ECHDC3: variants seen among roughly 807,000 people sequenced by gnomAD.
ECHDC3 encodes the protein enoyl-CoA hydratase domain-containing protein 3, mitochondrial.
ECHDC3 carries 20 observed loss-of-function variants against 17.9 expected under a neutral mutation model. The ratio of observed to expected loss-of-function variants is 1.12; its 90% confidence interval spans 0.79 to 1.63. The LOEUF is 1.63. Among genes scored for constraint, ECHDC3 ranks in the 40% most tolerant of loss-of-function variants. The probability of loss-of-function intolerance (pLI) is 0.00; values close to 1 mark genes in which losing one functional copy is unlikely to be tolerated. For synonymous variants in ECHDC3, 177 were observed against 149.7 expected (o/e 1.18, Z -1.33); for missense variants, 407 against 357.7 (o/e 1.14, Z -1.11).
At chr10:11,755,635 T>C in intron 4 of ECHDC3, 27 bp downstream of exon 4, 2 of 1,582,960 alleles carry the variant, frequency 1.3e-6, no homozygotes, top group Non-Finnish European at 1.7e-6. Flanking sequence ...CACCCACCTC[T>C]GCCTCCCAGC....
chr10:11,748,779 A>T (rs183267029), intron 2 of ECHDC3, among the ~76,000 whole-genome samples: 127 of 152,278 alleles, frequency 8.3e-4, no homozygotes, highest in African/African-American at 2.5e-3. Flanking sequence ...CCAGCTACTT[A>T]GGAGGCTAAG....
rs188976372 is a variant in ECHDC3 at position 11,763,003 on chromosome 10, A to G, written c.592-221A>G. ...TCAGTGACCAGATCTTTGCAGGAGCAAGAGAACACGGGACAGCCACTGCTC... is the reference window on the plus strand; with the variant it reads ...TCAGTGACCAGATCTTTGCAGGAGCGAGAGAACACGGGACAGCCACTGCTC... On this transcript the variant is annotated intron_variant, in intron 4 of 4. Transcript: ENST00000379215. This position sits in a 1 kb window ranked among gnomAD's most constrained non-coding sequence, Gnocchi z 4.9. 1.3e-4 allele frequency among the ~76,000 whole-genome samples: 20 copies of G among 152,268 alleles called. No individual in the cohort carries two copies. Among genetic ancestry groups the G allele is most frequent in the Admixed American group, 1.2e-3 (19 of 15,308 alleles).
At position 11,764,049 on chromosome 10, in the gene ECHDC3, A is replaced by T; in HGVS notation, c.*505A>T. On this transcript the variant is annotated 3_prime_UTR_variant, in exon 5 of 5. Coordinates refer to ENST00000379215, the MANE Select transcript of ECHDC3 (RefSeq NM_024693.5). ...CTTTGAATAATCTTATGTGATTTAAATAAATTAAATCTTTATAGAGACTGG... is the reference window on the plus strand; with the variant it reads ...CTTTGAATAATCTTATGTGATTTAATTAAATTAAATCTTTATAGAGACTGG... The T allele has an allele frequency of 1.3e-6, 1 of 755,038 alleles. No individual in the cohort carries two copies. The highest frequency in any genetic ancestry group is 1.6e-6 in the Non-Finnish European group (1 of 619,374). 46.8% of individuals were successfully genotyped at this position (755,038 alleles called of 1,614,324 possible).
At chr10:11,744,648 C>T (rs959660402) in intron 1 of ECHDC3, among the ~76,000 whole-genome samples, 2 of 151,852 alleles carry the variant, frequency 1.3e-5, no homozygotes, top group Non-Finnish European at 2.9e-5. Flanking sequence ...TGTTTTGAAC[C>T]AAGATGGCCA....
chr10:11,747,138 G>A (rs1251331992), intron 1 of ECHDC3: 10 of 477,020 alleles, frequency 2.1e-5, no homozygotes, highest in Non-Finnish European at 3.6e-5. Context: ...GGAAGAGGGA[G>A]GAAACCCAGC....
At chr10:11,759,367 A>C (rs1564285339) in intron 4 of ECHDC3, among the ~76,000 whole-genome samples, 1 of 63,120 alleles carries the variant, frequency 1.6e-5, no homozygotes, top group Non-Finnish European at 3.9e-5. Context: ...AAAAAAAAAA[A>C]AAACAAAAAA....
Position 11,763,661 on chromosome 10 carries a change from T to C in ECHDC3, c.*117T>C. 7.0e-7 allele frequency: 1 copy of C among 1,433,212 alleles called. No homozygotes were observed. Among genetic ancestry groups the C allele is most frequent in the Non-Finnish European group, 9.1e-7 (1 of 1,098,060 alleles). The allele number at this position is 1,433,212 out of a possible 1,614,324, so 88.8% of individuals were successfully genotyped here. ...GACAGGCTGCTTTCGTGACTTGATA[T>C]TGGTGTCATAGCATTTGGCCTACAT... is the stretch of plus-strand genomic sequence containing the variant. On this transcript the variant is annotated 3_prime_UTR_variant, in exon 5 of 5. Coordinates refer to ENST00000379215, the MANE Select transcript of ECHDC3 (RefSeq NM_024693.5). This position sits in a 1 kb window ranked among gnomAD's most constrained non-coding sequence, Gnocchi z 4.9.
At chr10:11,751,041 T>G (rs184618161) in intron 3 of ECHDC3, among the ~76,000 whole-genome samples, 1 of 152,350 alleles carries the variant, frequency 6.6e-6, no homozygotes, top group Non-Finnish European at 1.5e-5. Context: ...GTCTTTCGTT[T>G]CCTACATTAA....
At chr10:11,743,658 C>T (rs35706434) in intron 1 of ECHDC3, among the ~76,000 whole-genome samples, 1,749 of 152,354 alleles carry the variant, frequency 0.011, 118 homozygotes, top group Admixed American at 0.1. Flanking sequence ...CAGGGAATTC[C>T]AGGGTCTCAG....
At position 11,742,516 on chromosome 10, in the gene ECHDC3, G is replaced by A. The variant is rs951777221; in HGVS notation, c.-61G>A. The A allele has an allele frequency of 1.5e-5, 19 of 1,250,722 alleles. No individual in the cohort carries two copies. Among genetic ancestry groups the A allele is most frequent in the East Asian group, 1.3e-4 (4 of 30,876 alleles). The allele number at this position is 1,250,722 out of a possible 1,614,324, so 77.5% of individuals were successfully genotyped here. ...CTGCTCACAGCAGCGCCCTCGGAGCGCCCAGCACCTGCGGCCGGCCAGGCA... is the reference window on the plus strand; with the variant it reads ...CTGCTCACAGCAGCGCCCTCGGAGCACCCAGCACCTGCGGCCGGCCAGGCA... On this transcript the variant is annotated 5_prime_UTR_variant, in exon 1 of 5. Transcript: ENST00000379215.
chr10:11,749,412 A>G, intron 2 of ECHDC3, 83 bp from the exon 3 acceptor site: 8 of 1,302,140 alleles, frequency 6.1e-6, no homozygotes, highest in Non-Finnish European at 8.7e-6. Flanking sequence ...GAAGTTATTC[A>G]GTAGACAAGG....
intron 3 of ECHDC3, among the ~76,000 whole-genome samples, chr10:11,750,945 T>G (rs1832815956): frequency 6.6e-6 from 1 of 152,200 alleles, no homozygotes; most frequent in Non-Finnish European, 1.5e-5. Flanking sequence ...GGTTATATTT[T>G]TGTCACTACA....
At chr10:11,746,912 C>T (rs915262686) in intron 1 of ECHDC3, among the ~76,000 whole-genome samples, 5 of 152,132 alleles carry the variant, frequency 3.3e-5, no homozygotes, top group African/African-American at 1.2e-4. Context: ...TATTTTCATT[C>T]TGGGCTCGTT....
intron 3 of ECHDC3, among the ~76,000 whole-genome samples, chr10:11,751,614 A>T (rs551284880): frequency 1.3e-5 from 2 of 152,330 alleles, no homozygotes; most frequent in African/African-American, 4.8e-5. Context: ...AAACTATACC[A>T]ATTGGTTACA....
At chr10:11,754,582 A>G (rs1306295158) in intron 3 of ECHDC3, among the ~76,000 whole-genome samples, 1 of 152,160 alleles carries the variant, frequency 6.6e-6, no homozygotes, top group African/African-American at 2.4e-5. Flanking sequence ...AGAAGTAATT[A>G]TTAAGAAAAC....
rs775157293 is a variant in ECHDC3 at position 11,747,392 on chromosome 10, C to G, written c.214C>G (p.Leu72Val). ...SNPKKRNALS[L>V]AMLKSLQSDI... ...TCCCAAGAAGAGGAACGCGTTGTCA[C>G]TTGCAATGCTGAAGTCTCTCCAAAG... The change falls in exon 2 of 5, where the codon CTT becomes GTT. Residue 72 changes from leucine (L) to valine (V), a missense_variant. Physicochemically the swap from Leu to Val is conservative, Grantham distance 32. Transcript: ENST00000379215. 6.2e-7 allele frequency: 1 copy of G among 1,614,078 alleles called. No individual in the cohort carries two copies. Among genetic ancestry groups the G allele is most frequent in the Non-Finnish European group, 8.5e-7 (1 of 1,179,964 alleles).
rs1441743894 is a variant in ECHDC3, at chr10:11,763,557, G to T, written c.*13G>T. 2 of 1,492,734 alleles carry T rather than the reference G, an allele frequency of 1.3e-6. No homozygotes were observed. Among genetic ancestry groups the T allele is most frequent in the Non-Finnish European group, 1.8e-6 (2 of 1,119,538 alleles). The allele number at this position is 1,492,734 out of a possible 1,614,324, so 92.5% of individuals were successfully genotyped here. A position where few individuals can be genotyped will look rare whatever the true frequency, so the allele number is the denominator to read the frequency against. ...CGAGCCAGTGTGAGTGGAGGCAGAG[G>T]AGTGAGGCCCACGGGCAGCGCCCAG... is the stretch of plus-strand genomic sequence containing the variant. On this transcript the variant is annotated 3_prime_UTR_variant, in exon 5 of 5. Coordinates refer to ENST00000379215, the MANE Select transcript of ECHDC3 (RefSeq NM_024693.5). The surrounding 1 kb of genome is among the most constrained non-coding windows in gnomAD (Gnocchi z 4.9).
rs114286275 is a variant in ECHDC3 at position 11,754,268 on chromosome 10, G to A, written c.391-1140G>A. On this transcript the variant is annotated intron_variant, in intron 3 of 4. Coordinates refer to ENST00000379215, the MANE Select transcript of ECHDC3 (RefSeq NM_024693.5). ...TAGACAAAATCTTCAAATCAATGAA[G>A]GTCATTTGTCTTTGAATACCTGCCT... is the stretch of plus-strand genomic sequence containing the variant. Among the ~76,000 whole-genome samples, 497 of 121,284 alleles carry A rather than the reference G, an allele frequency of 4.1e-3. 1 individual carries two copies. The highest frequency in any genetic ancestry group is 0.014 in the African/African-American group (472 of 34,650). 79.6% of individuals were successfully genotyped at this position (121,284 alleles called of 152,430 possible). A position where few individuals can be genotyped will look rare whatever the true frequency, so the allele number is the denominator to read the frequency against.
intron 1 of ECHDC3, among the ~76,000 whole-genome samples, chr10:11,745,375 A>G (rs1019148121): frequency 6.6e-6 from 1 of 152,226 alleles, no homozygotes; most frequent in East Asian, 1.9e-4. Context: ...TATATTTGCT[A>G]CAAGAAGCAC....
Sources: allele counts gnomAD v4.1 joint callset (sites outside exome capture counted in the v4.1 genomes callset), GRCh38; gene constraint gnomAD v4.1.1; non-coding constraint Gnocchi (gnomAD v3.1); transcripts MANE v1.5; gene names NCBI Gene and HGNC (gene_info 2026-07-23, HGNC 2026-07-21).